CCDC3: variants seen among roughly 807,000 people sequenced by gnomAD.
The protein encoded by CCDC3 is coiled-coil domain containing 3, also known as coiled-coil domain-containing protein 3.
Under a neutral mutation model 21.4 loss-of-function variants are expected in CCDC3, and 24 were observed. The observed-to-expected ratio is 1.12, with a 90% CI of 0.81 to 1.58. The LOEUF is 1.58. Ranked by LOEUF, CCDC3 falls within the 40% of genes most tolerant of loss-of-function variation. The probability of loss-of-function intolerance (pLI) is 0.00; values close to 1 mark genes in which losing one functional copy is unlikely to be tolerated. For missense variants in CCDC3, 425 were observed against 360.9 expected, an observed-to-expected ratio of 1.18 and a Z score of -1.44; for synonymous variants, 186 against 166.0, an observed-to-expected ratio of 1.12 and a Z score of -0.93.
chr10:12,923,940 CA>C (rs1220277849), intron 2 of CCDC3, among the ~76,000 whole-genome samples: 1 of 152,210 alleles, frequency 6.6e-6, no homozygotes, highest in Non-Finnish European at 1.5e-5. Context: ...GGAATGGCTA[CA>C]CTTTGCAATG....
chr10:12,945,672 T>G (rs1041855689), intron 2 of CCDC3, among the ~76,000 whole-genome samples: 1 of 152,222 alleles, frequency 6.6e-6, no homozygotes, highest in African/African-American at 2.4e-5. Flanking sequence ...AAGGTTTTTC[T>G]TTACCTTTTA....
At chr10:12,934,382 G>GT (rs1344602431) in intron 2 of CCDC3, among the ~76,000 whole-genome samples, 1 of 152,228 alleles carries the variant, frequency 6.6e-6, no homozygotes, top group African/African-American at 2.4e-5. Flanking sequence ...ATCTATCTTG[G>GT]TAAATGTTAC....
chr10:12,987,567 C>G (rs1203823977), intron 2 of CCDC3, among the ~76,000 whole-genome samples: 1 of 152,190 alleles, frequency 6.6e-6, no homozygotes, highest in Non-Finnish European at 1.5e-5. Flanking sequence ...ACCCAGAACT[C>G]TATTTTAAAA....
At chr10:13,040,644 T>C (rs999582475) in intron 5 of CCDC3, among the ~76,000 whole-genome samples, 9 of 151,442 alleles carry the variant, frequency 5.9e-5, no homozygotes, top group South Asian at 2.1e-4. Flanking sequence ...GAGCTGAAAC[T>C]ATGCCACTGC....
At chr10:12,966,553 C>T (rs979867877) in intron 2 of CCDC3, among the ~76,000 whole-genome samples, 1 of 152,140 alleles carries the variant, frequency 6.6e-6, no homozygotes, top group African/African-American at 2.4e-5. Context: ...AGGGAGTTCC[C>T]AGTCCAGTCT....
At chr10:12,960,332 C>T (rs961242303) in intron 2 of CCDC3, among the ~76,000 whole-genome samples, 1 of 152,064 alleles carries the variant, frequency 6.6e-6, no homozygotes. Flanking sequence ...TTGAGTGTGT[C>T]GTCTGTGTGT....
intron 5 of CCDC3, among the ~76,000 whole-genome samples, chr10:13,019,385 A>G (rs1204095316): frequency 6.6e-6 from 1 of 152,200 alleles, no homozygotes; most frequent in Non-Finnish European, 1.5e-5. Flanking sequence ...CATCAGGAAA[A>G]AGTCCAACTG....
At chr10:13,070,979 C>T (rs980853220) in intron 4 of CCDC3, among the ~76,000 whole-genome samples, 1 of 152,144 alleles carries the variant, frequency 6.6e-6, no homozygotes, top group African/African-American at 2.4e-5. Flanking sequence ...TCTCTGGCTG[C>T]AGCTCAGAAA....
chr10:12,975,158 C>A (rs1337093072), intron 2 of CCDC3, among the ~76,000 whole-genome samples: 3 of 152,168 alleles, frequency 2.0e-5, no homozygotes, highest in Admixed American at 2.0e-4. Flanking sequence ...GTTGTGGGCT[C>A]AGATCCTCCT....
Position 12,909,483 on chromosome 10 carries a change from G to A in CCDC3, c.550-10804C>T, listed in dbSNP as rs578092560. 1.3e-4 allele frequency among the ~76,000 whole-genome samples: 20 copies of A among 152,332 alleles called. No homozygotes were observed. The East Asian group carries it at 3.9e-3, about 29-fold the overall frequency. Reference sequence around the variant, plus strand: ...GGTGTGCCAACCCGGGCTGAGTGAGGTGCACTGTGTCCCCCATCAGCTCTG... The same window carrying A: ...GGTGTGCCAACCCGGGCTGAGTGAGATGCACTGTGTCCCCCATCAGCTCTG... On this transcript the variant is annotated intron_variant, in intron 2 of 2. Coordinates refer to ENST00000378825, the MANE Select transcript of CCDC3 (RefSeq NM_031455.4).
At chr10:12,909,451 G>T (rs1438605397) in intron 2 of CCDC3, among the ~76,000 whole-genome samples, 1 of 152,212 alleles carries the variant, frequency 6.6e-6, no homozygotes. Flanking sequence ...CCTGCCCATG[G>T]AGTGTGGGTG....
chr10:12,967,849 C>T (rs188234093), intron 2 of CCDC3, among the ~76,000 whole-genome samples: 68 of 152,260 alleles, frequency 4.5e-4, no homozygotes, highest in Non-Finnish European at 4.0e-4. Context: ...ACAAGACTAT[C>T]CCAAGACATA....
chr10:13,000,465 C>T (rs1299362279), intron 1 of CCDC3, among the ~76,000 whole-genome samples: 1 of 152,124 alleles, frequency 6.6e-6, no homozygotes, highest in African/African-American at 2.4e-5. Context: ...AGAGGACCTC[C>T]TGGCCTGGTT....
intron 5 of CCDC3, among the ~76,000 whole-genome samples, chr10:13,028,793 A>ATC (rs1348866923): frequency 6.6e-6 from 1 of 152,266 alleles, no homozygotes; most frequent in South Asian, 2.1e-4. Flanking sequence ...AAAGGGTTCC[A>ATC]TCTCTCTCTC....
chr10:12,945,292 ATAAG>A (rs1001959615), intron 2 of CCDC3, among the ~76,000 whole-genome samples: 8 of 152,184 alleles, frequency 5.3e-5, no homozygotes, highest in African/African-American at 1.7e-4. Context: ...AGCATACAAA[ATAAG>A]TAAGATGAAT....
Position 13,001,572 on chromosome 10 carries a change from C to A in CCDC3, c.-2G>T. ...GGCGAGCAGCAGCTGGCGCAGCATG[C>A]CGGGCCCTCCCGGGGCGCACGGGGC... On this transcript the variant is annotated 5_prime_UTR_variant, in exon 1 of 3. Transcript: ENST00000378825. 1 of 1,211,296 alleles carries A rather than the reference C, an allele frequency of 8.3e-7. No individual in the cohort carries two copies. Among genetic ancestry groups the A allele is most frequent in the Non-Finnish European group, 1.0e-6 (1 of 975,038 alleles). The allele number at this position is 1,211,296 out of a possible 1,614,324, so 75.0% of individuals were successfully genotyped here. A position where few individuals can be genotyped will look rare whatever the true frequency, so the allele number is the denominator to read the frequency against.
intron 2 of CCDC3, among the ~76,000 whole-genome samples, chr10:12,967,334 C>T (rs188438018): frequency 6.6e-6 from 1 of 152,016 alleles, no homozygotes; most frequent in Admixed American, 6.5e-5. Context: ...CAGTAACTAA[C>T]CACAAAGAAA....
In CCDC3 at chr10:12,898,034, A is replaced by C; in HGVS notation, c.*382T>G. On this transcript the variant is annotated 3_prime_UTR_variant, in exon 3 of 3. Coordinates refer to ENST00000378825, the MANE Select transcript of CCDC3 (RefSeq NM_031455.4). ...GTTGTCCTGGACTGGGGAGCTGGGA[A>C]CCACCCTGATTTTTTTCTGAAATAA... The C allele has an allele frequency of 1.6e-5, 3 of 182,146 alleles. No individual in the cohort carries two copies. Among genetic ancestry groups the C allele is most frequent in the South Asian group, 1.4e-4 (1 of 7,180 alleles). 11.3% of individuals were successfully genotyped at this position (182,146 alleles called of 1,614,324 possible). A position where few individuals can be genotyped will look rare whatever the true frequency, so the allele number is the denominator to read the frequency against.
intron 2 of CCDC3, among the ~76,000 whole-genome samples, chr10:12,909,232 C>G (rs1438595301): frequency 6.6e-6 from 1 of 152,214 alleles, no homozygotes; most frequent in South Asian, 2.1e-4. Flanking sequence ...TACAGCCTGG[C>G]TGATGCAGGC....
Sources: allele counts gnomAD v4.1 joint callset (sites outside exome capture counted in the v4.1 genomes callset), GRCh38; gene constraint gnomAD v4.1.1; transcripts MANE v1.5; gene names NCBI Gene and HGNC (gene_info 2026-07-23, HGNC 2026-07-21).